ARHGEF10: variants seen among roughly 807,000 people sequenced by gnomAD.
The protein encoded by ARHGEF10 is Rho guanine nucleotide exchange factor 10, also known as Rho guanine nucleotide exchange factor (GEF) 10.
ARHGEF10 carries 140 observed loss-of-function variants against 147.4 expected under a neutral mutation model. That is an observed-to-expected ratio of 0.95 (90% CI 0.83 to 1.09). The LOEUF (loss-of-function observed/expected upper bound fraction) is 1.09. ARHGEF10 is among the 50% of genes least tolerant of loss of function. The pLI is 0.00. For synonymous variants in ARHGEF10, 902 were observed against 695.8 expected (o/e 1.30, Z -4.67); for missense variants, 2,222 against 1,752.7 (o/e 1.27, Z -4.78).
At chr8:1,838,407 A>T (rs1803720998) in intron 1 of ARHGEF10, among the ~76,000 whole-genome samples, 1 of 151,370 alleles carries the variant, frequency 6.6e-6, no homozygotes, top group African/African-American at 2.4e-5. Context: ...CTGACGAATG[A>T]AGGAGTCTTC....
chr8:1,919,913 GTGGATGATGGAGCTGTTCTA>G (rs1554506623), intron 18 of ARHGEF10, among the ~76,000 whole-genome samples: 16 of 133,966 alleles, frequency 1.2e-4, no homozygotes, highest in East Asian at 4.4e-4. Flanking sequence ...GAGCTGTTCT[GTGGATGATGGAGCTGTTCTA>G]TGGGTGATGG....
At position 1,925,351 on chromosome 8, in the gene ARHGEF10, C is replaced by A; in HGVS notation, c.2557C>A (p.Pro853Thr). ...DGNHIKKEKH[P>T]LLVGHMPVMV... is the part of the protein sequence containing the mutation. ...GAATCACATTAAAAAGGAGAAGCAT[C>A]CTCTCCTCGTCGGACACATGCCCGT... is the stretch of plus-strand genomic sequence containing the variant. The change falls in exon 22 of 29, where the codon CCT becomes ACT. Residue 853 changes from proline (P) to threonine (T), a missense_variant. Transcript: ENST00000349830. 1 of 1,614,180 alleles carries A rather than the reference C, an allele frequency of 6.2e-7. No homozygotes were observed. Among genetic ancestry groups the A allele is most frequent in the Non-Finnish European group, 8.5e-7 (1 of 1,180,024 alleles).
chr8:1,862,810 G>C (rs1230046908), intron 4 of ARHGEF10, among the ~76,000 whole-genome samples: 2 of 130,152 alleles, frequency 1.5e-5, no homozygotes, highest in African/African-American at 6.0e-5. Context: ...ACAGAGTCTC[G>C]CTCTGTCGCT....
chr8:1,851,885 G>C (rs796744703), intron 2 of ARHGEF10, among the ~76,000 whole-genome samples: 2 of 151,258 alleles, frequency 1.3e-5, no homozygotes, highest in African/African-American at 4.9e-5. Flanking sequence ...CTGCACTCCA[G>C]CGCGGGCAAC....
intron 16 of ARHGEF10, 114 bp downstream of exon 16, chr8:1,903,565 C>G (rs947861880): frequency 1.4e-6 from 2 of 1,402,628 alleles, no homozygotes; most frequent in Non-Finnish European, 2.0e-6. Context: ...TTCCCTTCGC[C>G]CAGAGTTCTT....
At chr8:1,895,379 C>G (rs1265830446) in intron 13 of ARHGEF10, among the ~76,000 whole-genome samples, 1 of 152,188 alleles carries the variant, frequency 6.6e-6, no homozygotes, top group Non-Finnish European at 1.5e-5. Context: ...AAGTGTTCCT[C>G]TTCTTAAATG....
chr8:1,849,286 GTGGACACA>G (rs1804793544), intron 2 of ARHGEF10, among the ~76,000 whole-genome samples: 1 of 149,700 alleles, frequency 6.7e-6, no homozygotes, highest in Admixed American at 6.7e-5. Flanking sequence ...GGGCGGCCGT[GTGGACACA>G]GCAAATGCCG....
intron 1 of ARHGEF10, chr8:1,826,143 A>G (rs765450165): frequency 6.3e-7 from 1 of 1,592,440 alleles, no homozygotes; most frequent in Non-Finnish European, 8.5e-7. Context: ...GCAGTAAGAA[A>G]AGTCATTTGT....
intron 5 of ARHGEF10, among the ~76,000 whole-genome samples, chr8:1,864,811 C>T (rs1352425306): frequency 6.6e-6 from 1 of 152,218 alleles, no homozygotes; most frequent in African/African-American, 2.4e-5. Context: ...TGGGGAGCAG[C>T]AGCCACTAGA....
intron 12 of ARHGEF10, among the ~76,000 whole-genome samples, chr8:1,893,870 A>G (rs1319615885): frequency 6.6e-6 from 1 of 152,156 alleles, no homozygotes; most frequent in Non-Finnish European, 1.5e-5. Context: ...ACATTCATTT[A>G]TCTAAGCTTT....
intron 15 of ARHGEF10, among the ~76,000 whole-genome samples, chr8:1,902,446 T>A (rs1040369442): frequency 2.0e-5 from 3 of 152,220 alleles, no homozygotes; most frequent in African/African-American, 7.2e-5. Flanking sequence ...ACCCTCCCTT[T>A]GACCTCCTCG....
intron 1 of ARHGEF10, among the ~76,000 whole-genome samples, chr8:1,832,417 CAG>C (rs532728489): frequency 4.4e-4 from 45 of 101,796 alleles, no homozygotes; most frequent in African/African-American, 1.6e-3. Flanking sequence ...GAGGCAGAGA[CAG>C]AGAGAGACAG....
intron 7 of ARHGEF10, among the ~76,000 whole-genome samples, chr8:1,873,739 A>G (rs1368700143): frequency 1.4e-5 from 2 of 145,248 alleles, no homozygotes; most frequent in African/African-American, 2.6e-5. Flanking sequence ...TTGCCTTGAG[A>G]GGTGCCGCGG....
chr8:1,866,667 G>T, intron 6 of ARHGEF10, 65 bp downstream of exon 6: 2 of 1,479,328 alleles, frequency 1.4e-6, no homozygotes, highest in Middle Eastern at 2.1e-4. Flanking sequence ...CTGCGGCGGG[G>T]CCGGGTCCCT....
chr8:1,927,497 C>T (rs961795054), intron 23 of ARHGEF10: 1 of 151,992 alleles, frequency 6.6e-6, no homozygotes, highest in African/African-American at 2.4e-5. Flanking sequence ...AGACCCCTTC[C>T]CACTTAAAAA....
intron 6 of ARHGEF10, among the ~76,000 whole-genome samples, chr8:1,867,629 C>A (rs937163487): frequency 2.6e-5 from 4 of 152,336 alleles, no homozygotes; most frequent in East Asian, 3.9e-4. Flanking sequence ...AGCCAGCCCC[C>A]CTCCAGGTGG....
intron 13 of ARHGEF10, among the ~76,000 whole-genome samples, chr8:1,895,158 G>A (rs993436791): frequency 6.6e-6 from 1 of 152,248 alleles, no homozygotes; most frequent in Non-Finnish European, 1.5e-5. Flanking sequence ...CTTCCTGGCA[G>A]GAGAAAGGGT....
chr8:1,918,388 C>T (rs1322618915), intron 18 of ARHGEF10, among the ~76,000 whole-genome samples: 2 of 151,878 alleles, frequency 1.3e-5, no homozygotes, highest in African/African-American at 4.8e-5. Context: ...CTCCTCATCT[C>T]AGTTCAGAAG....
At chr8:1,871,765 C>T (rs1807147578) in intron 7 of ARHGEF10, among the ~76,000 whole-genome samples, 3 of 151,988 alleles carry the variant, frequency 2.0e-5, no homozygotes, top group Admixed American at 6.6e-5. Context: ...TGCGGTGAGC[C>T]GAGGTTGCAC....
Sources: allele counts gnomAD v4.1 joint callset (sites outside exome capture counted in the v4.1 genomes callset), GRCh38; gene constraint gnomAD v4.1.1; transcripts MANE v1.5; gene names NCBI Gene and HGNC (gene_info 2026-07-23, HGNC 2026-07-21).